The following RNF169 variants were observed in gnomAD, a reference collection of about 807,000 sequenced individuals.
RNF169 encodes E3 ubiquitin-protein ligase RNF169.
A neutral mutation model predicts 53.9 loss-of-function variants in RNF169; 24 were observed. The observed-to-expected ratio is 0.45, with a 90% confidence interval of 0.32 to 0.63. The LOEUF is 0.63. Ranked by LOEUF, RNF169 falls within the 20% of genes least tolerant of loss-of-function variation. RNF169 has a pLI of 0.04. For missense variants in RNF169, 883 were observed against 906.2 expected (o/e 0.97, Z 0.33); for synonymous variants, 396 against 363.5 (o/e 1.09, Z -1.02).
At position 74,763,132 on chromosome 11, in the gene RNF169, C is replaced by T. The variant is rs576535805; in HGVS notation, c.502+13750C>T. ...AAAAAGTTTGCCTGAGAAATTGAAG[C>T]ACAAGATCTATACTTTGCTTACATT... On this transcript the variant is annotated intron_variant, in intron 1 of 5. Transcript: ENST00000299563. Among the ~76,000 whole-genome samples the T allele has an allele frequency of 2.6e-5, 4 of 152,244 alleles. No individual in the cohort carries two copies. The South Asian group carries it at 8.3e-4, about 32-fold the overall frequency.
In RNF169 at chr11:74,837,798, T is replaced by C. The variant is rs1273284682; in HGVS notation, c.*1068T>C. The C allele has an allele frequency of 6.6e-6, 1 of 152,234 alleles. No individual in the cohort carries two copies. Among genetic ancestry groups the C allele is most frequent in the Non-Finnish European group, 1.5e-5 (1 of 68,038 alleles). The allele number at this position is 152,234 out of a possible 1,614,324, so 9.4% of individuals were successfully genotyped here. On this transcript the variant is annotated 3_prime_UTR_variant, in exon 6 of 6. Coordinates refer to ENST00000299563, the MANE Select transcript of RNF169 (RefSeq NM_001098638.2). The stretch of plus-strand genomic sequence containing the variant: ...AACAAGGTATCTAGCTGGATGCAGC[T>C]GGTAAATTCAGTCCCATGGACCTTT...
intron 2 of RNF169, among the ~76,000 whole-genome samples, chr11:74,809,502 T>TA (rs1241960932): frequency 2.6e-5 from 4 of 152,120 alleles, no homozygotes; most frequent in Non-Finnish European, 5.9e-5. Context: ...CTCCCCAAAA[T>TA]AAAGAGCATA....
chr11:74,782,260 A>G lies in RNF169; in HGVS notation c.503-7366A>G, dbSNP rs549261305. ...GTTGTTGATGGAATGTAAAATAGGCAGGGCATGAAGTGGTATGAAGATGAA... is the reference window on the plus strand; with the variant it reads ...GTTGTTGATGGAATGTAAAATAGGCGGGGCATGAAGTGGTATGAAGATGAA... On this transcript the variant is annotated intron_variant, in intron 1 of 5. Coordinates refer to ENST00000299563, the MANE Select transcript of RNF169 (RefSeq NM_001098638.2). Among the ~76,000 whole-genome samples the G allele has an allele frequency of 4.6e-5, 7 of 152,320 alleles. No homozygotes were observed. In the East Asian group the frequency reaches 1.2e-3, roughly 25 times the overall value.
At chr11:74,827,201 C>T (rs912616636) in intron 4 of RNF169, among the ~76,000 whole-genome samples, 2 of 152,212 alleles carry the variant, frequency 1.3e-5, no homozygotes, top group South Asian at 4.1e-4. Flanking sequence ...CCTACAGGCC[C>T]AATACCACAT....
rs188020040 is a variant in RNF169, at chr11:74,830,120, A to G, written c.843-4556A>G. On this transcript the variant is annotated intron_variant, in intron 4 of 5. Coordinates refer to ENST00000299563, the MANE Select transcript of RNF169 (RefSeq NM_001098638.2). ...GCTGTAAAAGCCTACATTATAAAAG[A>G]TCTAAGACTAAACACACAGAGTAGA... Among the ~76,000 whole-genome samples, 602 of 152,344 alleles carry G rather than the reference A, an allele frequency of 4.0e-3. 2 individuals carry two copies. The highest frequency in any genetic ancestry group is 0.017 in the Middle Eastern group (5 of 294).
intron 1 of RNF169, among the ~76,000 whole-genome samples, chr11:74,766,788 G>T (rs2135319816): frequency 6.6e-6 from 1 of 152,158 alleles, no homozygotes; most frequent in East Asian, 1.9e-4. Flanking sequence ...GTCCATTGAA[G>T]AAGTACCAGG....
chr11:74,833,089 T>C (rs2036204046), intron 4 of RNF169, among the ~76,000 whole-genome samples: 1 of 152,196 alleles, frequency 6.6e-6, no homozygotes, highest in Non-Finnish European at 1.5e-5. Flanking sequence ...CACCTCTTTC[T>C]CCTATTAACA....
At chr11:74,820,866 C>T (rs2036000196) in intron 4 of RNF169, among the ~76,000 whole-genome samples, 1 of 152,112 alleles carries the variant, frequency 6.6e-6, no homozygotes, top group African/African-American at 2.4e-5. Flanking sequence ...CAGGAGCTAG[C>T]CTTTTCCCAG....
intron 4 of RNF169, among the ~76,000 whole-genome samples, chr11:74,823,861 A>C (rs1191964168): frequency 1.3e-5 from 2 of 152,328 alleles, no homozygotes; most frequent in African/African-American, 4.8e-5. Flanking sequence ...CATATGACAA[A>C]AAATAGACTT....
In RNF169 at chr11:74,839,264, A is replaced by G. The variant is rs772754030; in HGVS notation, c.*2534A>G. 3.9e-5 allele frequency: 6 copies of G among 152,206 alleles called. No homozygotes were observed. The highest frequency in any genetic ancestry group is 2.0e-4 in the Admixed American group (3 of 15,274). 9.4% of individuals were successfully genotyped at this position (152,206 alleles called of 1,614,324 possible). On this transcript the variant is annotated 3_prime_UTR_variant, in exon 6 of 6. Transcript: ENST00000299563. Reference sequence around the variant, plus strand: ...AATATAGGTAGAGTGGTCTAGGTTAAGGAGGGAGGAGGGTTGATCTTTAAT... The same window carrying G: ...AATATAGGTAGAGTGGTCTAGGTTAGGGAGGGAGGAGGGTTGATCTTTAAT...
At chr11:74,764,943 G>A (rs2135317451) in intron 1 of RNF169, among the ~76,000 whole-genome samples, 1 of 152,210 alleles carries the variant, frequency 6.6e-6, no homozygotes, top group East Asian at 1.9e-4. Context: ...ACTGGACACG[G>A]TGGTTCATGC....
chr11:74,802,048 G>C (rs528416570), intron 2 of RNF169, among the ~76,000 whole-genome samples: 2 of 152,126 alleles, frequency 1.3e-5, no homozygotes, highest in African/African-American at 4.8e-5. Context: ...ATTAAACACC[G>C]TGAGACTGTA....
Position 74,749,203 on chromosome 11 carries a change from C to T in RNF169, c.323C>T (p.Ala108Val). ...AAGPGCPRCRARGPGWARRRA... is the reference protein window; with the variant it reads ...AAGPGCPRCRVRGPGWARRRA... Reference sequence around the variant, plus strand: ...GGCCCGGGTTGCCCTCGCTGCCGCGCCCGCGGCCCAGGCTGGGCCCGCCGT... The same window carrying T: ...GGCCCGGGTTGCCCTCGCTGCCGCGTCCGCGGCCCAGGCTGGGCCCGCCGT... The change falls in exon 1 of 6, where the codon GCC becomes GTC. Residue 108 changes from alanine to valine, a missense_variant. Ala to Val is a moderately conservative substitution (Grantham distance 64, BLOSUM62 0). This residue lies in a region of RNF169 where 313 missense variants were observed against 279.9 expected (regional missense o/e 1.12). Transcript: ENST00000299563. 1 of 1,128,644 alleles carries T rather than the reference C, an allele frequency of 8.9e-7. No individual in the cohort carries two copies. Among genetic ancestry groups the T allele is most frequent in the Middle Eastern group, 3.7e-4 (1 of 2,674 alleles). The allele number at this position is 1,128,644 out of a possible 1,614,324, so 69.9% of individuals were successfully genotyped here. A position where few individuals can be genotyped will look rare whatever the true frequency, so the allele number is the denominator to read the frequency against.
intron 2 of RNF169, among the ~76,000 whole-genome samples, chr11:74,798,824 T>C (rs1310677446): frequency 1.3e-5 from 2 of 152,052 alleles, no homozygotes; most frequent in Non-Finnish European, 2.9e-5. Context: ...TTAAGGAAAA[T>C]GGAAAAGAAC....
intron 3 of RNF169, among the ~76,000 whole-genome samples, chr11:74,816,664 G>A (rs943620074): frequency 3.3e-5 from 5 of 152,202 alleles, no homozygotes; most frequent in Non-Finnish European, 5.9e-5. Context: ...GAGCAGAGAC[G>A]GAATTTTAGG....
In RNF169 at chr11:74,810,204, A is replaced by G. The variant is rs1356709294; in HGVS notation, c.597A>G (p.Gln199=). Residue 199 remains glutamine (Q), a synonymous_variant, in exon 3 of 6, where the codon CAA becomes CAG. Coordinates refer to ENST00000299563, the MANE Select transcript of RNF169 (RefSeq NM_001098638.2). ...SLRKLREEKL[Q]EEKPSEDQIH... The stretch of plus-strand genomic sequence containing the variant: ...TTTAGCTGAGAGAAGAAAAGTTACA[A>G]GAGGAAAAACCCTCTGAAGATCAAA... The G allele has an allele frequency of 6.2e-7, 1 of 1,609,994 alleles. No homozygotes were observed. Among genetic ancestry groups the G allele is most frequent in the South Asian group, 1.1e-5 (1 of 90,250 alleles).
At chr11:74,768,085 T>C (rs1376598781) in intron 1 of RNF169, among the ~76,000 whole-genome samples, 1 of 152,204 alleles carries the variant, frequency 6.6e-6, no homozygotes, top group Non-Finnish European at 1.5e-5. Context: ...TTCTCAAATA[T>C]CAAGCTGTTT....
chr11:74,786,812 C>T (rs1340263843), intron 1 of RNF169, among the ~76,000 whole-genome samples: 1 of 152,190 alleles, frequency 6.6e-6, no homozygotes, highest in Admixed American at 6.5e-5. Context: ...ATCCAAGGCT[C>T]TCAACCTTCT....
intron 3 of RNF169, among the ~76,000 whole-genome samples, chr11:74,812,286 G>GT (rs904348216): frequency 2.0e-4 from 30 of 151,046 alleles, no homozygotes; most frequent in East Asian, 3.9e-4. Context: ...TTCTTATATA[G>GT]TTTTTTTTTG....
Sources: allele counts gnomAD v4.1 joint callset (sites outside exome capture counted in the v4.1 genomes callset), GRCh38; gene constraint gnomAD v4.1.1; regional missense constraint gnomAD v4.1.1; transcripts MANE v1.5; gene names NCBI Gene and HGNC (gene_info 2026-07-23, HGNC 2026-07-21).